The following ROR1 variants were observed in gnomAD, a reference collection of about 807,000 sequenced individuals.
The protein encoded by ROR1 is inactive tyrosine-protein kinase transmembrane receptor ROR1.
Under a neutral mutation model 78.8 loss-of-function variants are expected in ROR1, and 19 were observed. That is an observed-to-expected ratio of 0.24 (90% CI 0.17 to 0.35). The LOEUF (loss-of-function observed/expected upper bound fraction) is 0.35, where lower values mean the gene tolerates loss of function less well. Among genes scored for constraint, ROR1 ranks in the 10% least tolerant of loss-of-function variants. ROR1 has a pLI of 1.00. For synonymous variants in ROR1, 386 were observed against 433.6 expected (o/e 0.89, Z 1.36); for missense variants, 917 against 1,177.8 (o/e 0.78, Z 3.24).
intron 4 of ROR1, chr1:64,106,561 CT>C (rs1214150223): frequency 3.9e-5 from 6 of 152,090 alleles, no homozygotes; most frequent in Non-Finnish European, 8.8e-5. Context: ...ATGCTTCCAG[CT>C]TTTGCCCATT....
At chr1:63,961,871 A>G (rs1646032106) in intron 1 of ROR1, among the ~76,000 whole-genome samples, 1 of 152,176 alleles carries the variant, frequency 6.6e-6, no homozygotes, top group Admixed American at 6.5e-5. Context: ...ATAAATGACA[A>G]ATGTTTAAGA....
At chr1:64,142,147 G>A (rs1418077239) in intron 6 of ROR1, among the ~76,000 whole-genome samples, 1 of 152,174 alleles carries the variant, frequency 6.6e-6, no homozygotes, top group East Asian at 1.9e-4. Context: ...TGTGTTCAAT[G>A]TTAGAAATAC....
intron 1 of ROR1, among the ~76,000 whole-genome samples, chr1:63,869,167 T>G (rs749775719): frequency 2.6e-5 from 4 of 152,174 alleles, no homozygotes; most frequent in Admixed American, 1.3e-4. Context: ...TTCTCTGTTG[T>G]TTTTTGGAAC....
In ROR1 at chr1:64,014,721, A is replaced by ATATATATATATATATATATATATATG. The variant is rs200268487; in HGVS notation, c.163+5351_163+5352insTATATATATATATATATATGTATATA. On this transcript the variant is annotated intron_variant, in intron 2 of 8. Coordinates refer to ENST00000371079, the MANE Select transcript of ROR1 (RefSeq NM_005012.4). ...TTCTCTGTGCTGACAGACTATATATATATATACACATACGCACACTATATA... is the reference window on the plus strand; with the variant it reads ...TTCTCTGTGCTGACAGACTATATATATATATATATATATATATATATATATGTATATACACATACGCACACTATATA... Among the ~76,000 whole-genome samples the ATATATATATATATATATATATATATG allele has an allele frequency of 1.4e-3, 79 of 55,284 alleles. 2 individuals are homozygous for ATATATATATATATATATATATATATG. The highest frequency in any genetic ancestry group is 2.7e-3 in the South Asian group (3 of 1,092). 36.3% of individuals were successfully genotyped at this position (55,284 alleles called of 152,430 possible). A position where few individuals can be genotyped will look rare whatever the true frequency, so the allele number is the denominator to read the frequency against.
chr1:63,944,554 G>A (rs1645869368), intron 1 of ROR1, among the ~76,000 whole-genome samples: 1 of 152,176 alleles, frequency 6.6e-6, no homozygotes, highest in Non-Finnish European at 1.5e-5. Context: ...ATTTACTTAA[G>A]TGGTCTATTT....
chr1:63,838,545 G>A (rs1410539608), intron 1 of ROR1, among the ~76,000 whole-genome samples: 4 of 151,974 alleles, frequency 2.6e-5, no homozygotes, highest in Admixed American at 2.6e-4. Context: ...AAATATTTTT[G>A]TACAGCTATA....
intron 2 of ROR1, among the ~76,000 whole-genome samples, chr1:64,023,115 T>C (rs986729663): frequency 2.0e-5 from 3 of 152,150 alleles, no homozygotes; most frequent in Admixed American, 1.3e-4. Flanking sequence ...CTGCTGAAGA[T>C]AGTAGAATCA....
rs751628611 is a variant in ROR1, at chr1:64,178,808, G to A, written c.2767G>A (p.Ala923Thr). ...AAAGCAAGCATCTTTACTAGGAGACGCCAATATTCATGGACACACCGAATC... is the reference window on the plus strand; with the variant it reads ...AAAGCAAGCATCTTTACTAGGAGACACCAATATTCATGGACACACCGAATC... Reference protein sequence around the residue: ...DSKQASLLGDANIHGHTESMI... With the variant: ...DSKQASLLGDTNIHGHTESMI... The change falls in exon 9 of 9, where the codon GCC (alanine) becomes ACC (threonine). Residue 923 changes from alanine to threonine, a missense_variant. This residue lies in a region of ROR1 where 835 missense variants were observed against 1,069.8 expected (regional missense o/e 0.78). Transcript: ENST00000371079. This position sits in a 1 kb window ranked among gnomAD's most constrained non-coding sequence, Gnocchi z 4.3. The A allele has an allele frequency of 1.8e-5, 29 of 1,613,890 alleles. No homozygotes were observed. Among genetic ancestry groups the A allele is most frequent in the Middle Eastern group, 1.6e-4 (1 of 6,084 alleles).
At chr1:64,083,593 G>A (rs1380927456) in intron 4 of ROR1, among the ~76,000 whole-genome samples, 38 of 133,928 alleles carry the variant, frequency 2.8e-4, no homozygotes, top group African/African-American at 3.0e-4. Context: ...GAGAGAGAGA[G>A]AGAAAAAAAA....
intron 1 of ROR1, among the ~76,000 whole-genome samples, chr1:63,919,395 A>G (rs1355297936): frequency 6.6e-6 from 1 of 151,406 alleles, no homozygotes; most frequent in Non-Finnish European, 1.5e-5. Context: ...TTGACATTTT[A>G]TGCCAAAAAT....
At chr1:64,168,775 T>A (rs1019458897) in intron 8 of ROR1, among the ~76,000 whole-genome samples, 1 of 152,236 alleles carries the variant, frequency 6.6e-6, no homozygotes, top group African/African-American at 2.4e-5. Context: ...CTCAGTTGGA[T>A]AAGTTTAAAT....
chr1:64,155,738 G>A (rs1009329056), intron 7 of ROR1, among the ~76,000 whole-genome samples: 2 of 152,126 alleles, frequency 1.3e-5, no homozygotes, highest in Non-Finnish European at 2.9e-5. Flanking sequence ...CTAGCATTGC[G>A]TTAGTACTAA....
intron 2 of ROR1, among the ~76,000 whole-genome samples, chr1:64,035,762 G>A (rs1646697275): frequency 6.6e-6 from 1 of 152,130 alleles, no homozygotes; most frequent in African/African-American, 2.4e-5. Flanking sequence ...GGGGTGGAGG[G>A]AGATTCCTGA....
chr1:63,831,635 G>A (rs1644989748), intron 1 of ROR1, among the ~76,000 whole-genome samples: 1 of 152,340 alleles, frequency 6.6e-6, no homozygotes, highest in East Asian at 1.9e-4. Flanking sequence ...CTAGGCCTCT[G>A]GGCCTGTGAT....
chr1:64,142,814 C>T (rs1384486985), intron 7 of ROR1, 164 bp downstream of exon 7: 6 of 1,433,954 alleles, frequency 4.2e-6, no homozygotes, highest in Non-Finnish European at 5.5e-6. Flanking sequence ...ACATAAAACA[C>T]CTCGTAAGGT....
intron 1 of ROR1, among the ~76,000 whole-genome samples, chr1:63,934,824 C>T (rs752301820): frequency 1.3e-5 from 2 of 152,104 alleles, no homozygotes; most frequent in Admixed American, 6.6e-5. Context: ...TCAAATTGGC[C>T]TTTCAGACTG....
chr1:63,799,594 T>C (rs571954639), intron 1 of ROR1, among the ~76,000 whole-genome samples: 1 of 152,332 alleles, frequency 6.6e-6, no homozygotes, highest in South Asian at 2.1e-4. Flanking sequence ...GATTATGGTT[T>C]TGCATTTGAC....
chr1:63,783,591 C>T (rs1424605808), intron 1 of ROR1, among the ~76,000 whole-genome samples: 1 of 152,138 alleles, frequency 6.6e-6, no homozygotes, highest in Admixed American at 6.6e-5. Flanking sequence ...CAGCTCCACA[C>T]CTGTGTGAAT....
At chr1:64,130,255 T>C (rs1648866072) in intron 4 of ROR1, among the ~76,000 whole-genome samples, 1 of 152,192 alleles carries the variant, frequency 6.6e-6, no homozygotes, top group Non-Finnish European at 1.5e-5. Context: ...CTGTGAGTCG[T>C]TGGCCCTCTG....
Sources: gnomAD v4.1 joint callset for allele counts (sites outside exome capture counted in the v4.1 genomes callset) on GRCh38, gnomAD v4.1.1 for gene constraint, gnomAD v4.1.1 regional missense constraint, Gnocchi (gnomAD v3.1) non-coding constraint, MANE v1.5 for transcripts, NCBI Gene and HGNC (gene_info 2026-07-23, HGNC 2026-07-21) for gene names.